The following TBATA variants were observed in gnomAD, a reference collection of about 807,000 sequenced individuals.
The protein encoded by TBATA is protein TBATA.
TBATA carries 47 observed loss-of-function variants against 38.7 expected under a neutral mutation model. The observed-to-expected ratio is 1.21, with a 90% confidence interval of 0.96 to 1.55. The LOEUF is 1.55. TBATA is among the 40% of genes most tolerant of loss of function. The pLI is 0.00. For missense variants in TBATA, 436 were observed against 435.6 expected (o/e 1.00, Z -0.01); for synonymous variants, 183 against 170.5 (o/e 1.07, Z -0.57).
chr10:70,782,739 T>A, intron 3 of TBATA: 1 of 752,094 alleles, frequency 1.3e-6, no homozygotes, highest in Non-Finnish European at 1.6e-6. Flanking sequence ...ACGCTATGCA[T>A]CTGCCCTTGG....
chr10:70,780,426 C>A lies in TBATA; in HGVS notation c.278-684G>T, dbSNP rs532787138. Among the ~76,000 whole-genome samples, 30 of 152,118 alleles carry A rather than the reference C, an allele frequency of 2.0e-4. No individual in the cohort carries two copies. In the South Asian group the frequency reaches 6.0e-3, roughly 31 times the overall value. On this transcript the variant is annotated intron_variant, in intron 4 of 10. Transcript: ENST00000456372. ...GACTCCTCACTCTTGTCCCGGCTCC[C>A]TACCTCTCCTCATCTCCTCTGCCGA...
intron 10 of TBATA, among the ~76,000 whole-genome samples, chr10:70,771,854 T>A (rs186195484): frequency 6.6e-6 from 1 of 152,092 alleles, no homozygotes; most frequent in Non-Finnish European, 1.5e-5. Flanking sequence ...CTCTCCTTGG[T>A]CTCCCTCACC....
At chr10:70,779,925 G>A (rs1032698653) in intron 4 of TBATA, among the ~76,000 whole-genome samples, 183 bp from the exon 5 acceptor site, 8 of 152,030 alleles carry the variant, frequency 5.3e-5, no homozygotes, top group South Asian at 2.1e-4. Context: ...CCTCACCCAC[G>A]GGGGGATCCT....
In TBATA at chr10:70,771,432, T is replaced by A; in HGVS notation, c.1003A>T (p.Met335Leu). 6.2e-7 allele frequency: 1 copy of A among 1,614,120 alleles called. No individual in the cohort carries two copies. The highest frequency in any genetic ancestry group is 8.5e-7 in the Non-Finnish European group (1 of 1,179,996). The change falls in exon 11 of 11, where the codon ATG becomes TTG. Residue 335 changes from methionine to leucine, a missense_variant. Transcript: ENST00000456372. ...TTCTCTGTGTTCTGGCTTGAATGCA[T>A]CTGGAGGACTTGAGCTTCTCCAATG... ...EYIGEAQVLQ[M>L]HSSQNTEKKT...
Position 70,771,346 on chromosome 10 carries a change from G to C in TBATA, c.*30C>G. The stretch of plus-strand genomic sequence containing the variant: ...CCCCTGAACCCTTGGGGCTGCTCTT[G>C]AGCAAGGCAGGTGCAAGTGTTAGGG... On this transcript the variant is annotated 3_prime_UTR_variant, in exon 11 of 11. Transcript: ENST00000456372. 1.2e-6 allele frequency: 2 copies of C among 1,614,156 alleles called. No individual in the cohort carries two copies. The highest frequency in any genetic ancestry group is 2.7e-5 in the African/African-American group (2 of 75,054).
intron 4 of TBATA, 158 bp from the exon 5 acceptor site, chr10:70,779,900 C>T (rs1256694356): frequency 1.3e-6 from 1 of 754,910 alleles, no homozygotes; most frequent in African/African-American, 1.9e-5. Context: ...TTGTAACCAC[C>T]TAGACCAGCG....
At position 70,774,249 on chromosome 10, in the gene TBATA, T is replaced by G. The variant is rs1843101720; in HGVS notation, c.884A>C (p.His295Pro). 6.2e-7 allele frequency: 1 copy of G among 1,612,428 alleles called. No individual in the cohort carries two copies. The highest frequency in any genetic ancestry group is 1.1e-5 in the South Asian group (1 of 90,138). ...CTCTTGCTTCTCTTGAGGAGGTTCA[T>G]GCACTTCTGGAAGCTGGCTTAGGAG... is the stretch of plus-strand genomic sequence containing the variant. ...EKLLSQLPEV[H>P]EPPQEKQEPP... The change falls in exon 9 of 11, where the codon CAT becomes CCT. Residue 295 changes from histidine to proline, a missense_variant. Coordinates refer to ENST00000456372, the MANE Select transcript of TBATA (RefSeq NM_001318241.2).
chr10:70,775,908 CTT>C (rs1843331689), intron 7 of TBATA, among the ~76,000 whole-genome samples: 3 of 152,230 alleles, frequency 2.0e-5, no homozygotes, highest in Admixed American at 2.0e-4. Context: ...CATCCTCAGT[CTT>C]TGACATCTTT....
At position 70,778,663 on chromosome 10, in the gene TBATA, A is replaced by G. The variant is rs199528870; in HGVS notation, c.428-27T>C. ...TGGGAGGAGGGGACAAGGTCCTGCC[A>G]ACTGAAGTCAGGGGCCCTCCTCCCC... is the stretch of plus-strand genomic sequence containing the variant. On this transcript the variant is annotated intron_variant, in intron 5 of 10. Transcript: ENST00000456372. 1.8e-3 allele frequency: 2,912 copies of G among 1,609,960 alleles called. 3 individuals carry two copies. Among genetic ancestry groups the G allele is most frequent in the Non-Finnish European group, 2.1e-3 (2,421 of 1,176,374 alleles).
At chr10:70,771,553 A>G (rs1016352994) in intron 10 of TBATA, 92 bp from the exon 11 acceptor site, 4 of 1,240,052 alleles carry the variant, frequency 3.2e-6, no homozygotes, top group Non-Finnish European at 4.6e-6. Flanking sequence ...GCTGAGGGGA[A>G]GGTCTGAGTC....
chr10:70,776,083 C>T (rs1221872876), intron 7 of TBATA, among the ~76,000 whole-genome samples: 1 of 152,166 alleles, frequency 6.6e-6, no homozygotes, highest in Non-Finnish European at 1.5e-5. Context: ...AAGGTGGAAG[C>T]CCTGGAGTCC....
chr10:70,773,473 G>GCCT (rs770534823), intron 9 of TBATA, among the ~76,000 whole-genome samples: 3 of 151,314 alleles, frequency 2.0e-5, no homozygotes, highest in Admixed American at 1.3e-4. Context: ...AGGCCCCCCC[G>GCCT]GCTTCACCCC....
chr10:70,774,374 G>T lies in TBATA; in HGVS notation c.776-17C>A. ...GGTCTTTTTCTGAAAGCACAGCCCG[G>T]GGGCAGTGTCCTCAGCCCCCAGCCC... On this transcript the variant is annotated splice_polypyrimidine_tract_variant and intron_variant, in intron 8 of 10. Transcript: ENST00000456372. The T allele has an allele frequency of 6.4e-7, 1 of 1,572,776 alleles. No homozygotes were observed.
Position 70,781,915 on chromosome 10 carries a change from C to T in TBATA, c.163G>A (p.Ala55Thr), listed in dbSNP as rs1238762564. ...GTTTGGGGCTTTGGGGTCCTCAATG[C>T]CCGGCGGATCCGCTCGAAATCCACA... ...GIVDFERIRR[A>T]LRTPKPQTPG... Residue 55 changes from alanine (A) to threonine (T), a missense_variant, in exon 4 of 11, where the codon GCA becomes ACA. By Grantham distance (58) the Ala-to-Thr change is moderately conservative (BLOSUM62 0). Transcript: ENST00000456372. 1 of 1,614,220 alleles carries T rather than the reference C, an allele frequency of 6.2e-7. No homozygotes were observed. Among genetic ancestry groups the T allele is most frequent in the African/African-American group, 1.3e-5 (1 of 75,064 alleles).
At chr10:70,775,096 A>T in intron 8 of TBATA, 93 bp downstream of exon 8, 1 of 1,233,318 alleles carries the variant, frequency 8.1e-7, no homozygotes, top group Non-Finnish European at 1.2e-6. Flanking sequence ...CCAGGGTGGG[A>T]GCTGAGGGAC....
chr10:70,774,374 G>A lies in TBATA; in HGVS notation c.776-17C>T, dbSNP rs1398509161. On this transcript the variant is annotated splice_polypyrimidine_tract_variant and intron_variant, in intron 8 of 10. Coordinates refer to ENST00000456372, the MANE Select transcript of TBATA (RefSeq NM_001318241.2). ...GGTCTTTTTCTGAAAGCACAGCCCG[G>A]GGGCAGTGTCCTCAGCCCCCAGCCC... The A allele has an allele frequency of 6.4e-7, 1 of 1,572,778 alleles. No homozygotes were observed. The highest frequency in any genetic ancestry group is 8.6e-7 in the Non-Finnish European group (1 of 1,159,176).
intron 5 of TBATA, 68 bp from the exon 6 acceptor site, chr10:70,778,704 G>T: frequency 7.1e-7 from 1 of 1,409,542 alleles, no homozygotes; most frequent in Non-Finnish European, 1.0e-6. Context: ...GTGCCACCAG[G>T]CCTTGGTAGA....
rs781617066 is a variant in TBATA at position 70,771,502 on chromosome 10, G to A, written c.974-41C>T. 5 of 1,598,980 alleles carry A rather than the reference G, an allele frequency of 3.1e-6. No individual in the cohort carries two copies. In the South Asian group the frequency reaches 4.5e-5, roughly 14 times the overall value. On this transcript the variant is annotated intron_variant, in intron 10 of 10. Transcript: ENST00000456372. ...ACAGCAGGCAGGAGAGGACCGGGAAGGTGGGGCCCCCACCTGGGAGCTGCA... is the reference window on the plus strand; with the variant it reads ...ACAGCAGGCAGGAGAGGACCGGGAAAGTGGGGCCCCCACCTGGGAGCTGCA...
intron 4 of TBATA, 107 bp downstream of exon 4, chr10:70,781,694 C>G (rs988887699): frequency 1.8e-6 from 2 of 1,125,492 alleles, no homozygotes; most frequent in African/African-American, 3.1e-5. Context: ...ACCCCATCCT[C>G]TCTGGGCCCC....
Sources: allele counts gnomAD v4.1 joint callset (sites outside exome capture counted in the v4.1 genomes callset), GRCh38; gene constraint gnomAD v4.1.1; transcripts MANE v1.5; gene names NCBI Gene and HGNC (gene_info 2026-07-23, HGNC 2026-07-21).